The following PTPRQ variants were observed in gnomAD, a reference collection of about 807,000 sequenced individuals.
PTPRQ encodes the protein protein tyrosine phosphatase receptor type Q.
In PTPRQ, 199 loss-of-function variants were observed where a neutral mutation model predicts 246.0. The observed-to-expected ratio is 0.81, with a 90% CI of 0.72 to 0.91. The LOEUF (loss-of-function observed/expected upper bound fraction) is 0.91. Among genes scored for constraint, PTPRQ ranks in the 40% least tolerant of loss-of-function variants. The probability of loss-of-function intolerance (pLI) is 0.00; values close to 1 mark genes in which losing one functional copy is unlikely to be tolerated. For missense variants in PTPRQ, 2,624 were observed against 2,528.4 expected (o/e 1.04, Z -0.81); for synonymous variants, 869 against 853.2 (o/e 1.02, Z -0.32).
At position 80,619,366 on chromosome 12, in the gene PTPRQ, TTTC is replaced by T; in HGVS notation, c.5231-12_5231-10del. 1.9e-6 allele frequency: 3 copies of T among 1,544,374 alleles called. No homozygotes were observed. The highest frequency in any genetic ancestry group is 4.0e-5 in the Admixed American group (2 of 50,566). On this transcript the variant is annotated splice_polypyrimidine_tract_variant and intron_variant, in intron 30 of 44. Coordinates refer to ENST00000644991, the MANE Select transcript of PTPRQ (RefSeq NM_001145026.2). The stretch of plus-strand genomic sequence containing the variant: ...AACAATAACATCAATTGCAGTGATA[TTTC>T]TTCTTTGTTTATAGCTCCAGCACGA...
At position 80,485,310 on chromosome 12, in the gene PTPRQ, G is replaced by T. The variant is rs537352576; in HGVS notation, c.1359+705G>T. ...CCTGTGAGACTCTTTCAGCCTCCAG[G>T]CTAGTCATGTCCAGATACTGGCTGC... is the stretch of plus-strand genomic sequence containing the variant. On this transcript the variant is annotated intron_variant, in intron 9 of 44. Coordinates refer to ENST00000644991, the MANE Select transcript of PTPRQ (RefSeq NM_001145026.2). Among the ~76,000 whole-genome samples, 7 of 152,168 alleles carry T rather than the reference G, an allele frequency of 4.6e-5. No homozygotes were observed. In the South Asian group the frequency reaches 1.5e-3, roughly 32 times the overall value.
intron 30 of PTPRQ, among the ~76,000 whole-genome samples, chr12:80,618,110 T>C (rs1212254209): frequency 1.3e-5 from 2 of 151,278 alleles, no homozygotes; most frequent in Non-Finnish European, 3.0e-5. Context: ...ACTGATACAT[T>C]GAGTAAGAAA....
rs1555195493 is a variant in PTPRQ, at chr12:80,542,203, C to T, written c.3560C>T (p.Thr1187Ile). ...PNGAIISYDLTLQGPNENYSF... is the reference protein window; with the variant it reads ...PNGAIISYDLILQGPNENYSF... Reference sequence around the variant, plus strand: ...GGTGCAATAATAAGTTATGATTTAACTTTACAAGGACCAAATGAAAATTAT... The same window carrying T: ...GGTGCAATAATAAGTTATGATTTAATTTTACAAGGACCAAATGAAAATTAT... Residue 1187 changes from threonine (T) to isoleucine (I), a missense_variant, in exon 22 of 45, where the codon ACT (threonine) becomes ATT (isoleucine). Physicochemically the swap from Thr to Ile is moderately conservative, Grantham distance 89. Coordinates refer to ENST00000644991, the MANE Select transcript of PTPRQ (RefSeq NM_001145026.2). The T allele has an allele frequency of 6.4e-7, 1 of 1,550,972 alleles. No homozygotes were observed. Among genetic ancestry groups the T allele is most frequent in the Non-Finnish European group, 8.7e-7 (1 of 1,146,638 alleles).
At chr12:80,638,110 A>T (rs1310725305) in intron 35 of PTPRQ, among the ~76,000 whole-genome samples, 1 of 152,048 alleles carries the variant, frequency 6.6e-6, no homozygotes, top group Admixed American at 6.6e-5. Flanking sequence ...TCTACTAAAA[A>T]TACAAAAATT....
intron 6 of PTPRQ, among the ~76,000 whole-genome samples, chr12:80,466,348 A>C (rs1893412120): frequency 6.6e-6 from 1 of 151,974 alleles, no homozygotes; most frequent in Admixed American, 6.6e-5. Flanking sequence ...TGCTCAATGA[A>C]ATAAAAGAGG....
chr12:80,603,072 T>C (rs978981795), intron 26 of PTPRQ, among the ~76,000 whole-genome samples: 4 of 151,706 alleles, frequency 2.6e-5, no homozygotes, highest in African/African-American at 7.2e-5. Flanking sequence ...TGTTGTGAAC[T>C]GCCAAAATTC....
intron 26 of PTPRQ, among the ~76,000 whole-genome samples, chr12:80,592,303 A>C (rs34105978): frequency 2.9e-4 from 44 of 152,288 alleles, no homozygotes; most frequent in African/African-American, 6.7e-4. Flanking sequence ...TGAGTTGGTT[A>C]CTCGTCTTTT....
chr12:80,449,074 G>A (rs1465931910), intron 3 of PTPRQ, among the ~76,000 whole-genome samples: 3 of 151,578 alleles, frequency 2.0e-5, no homozygotes, highest in Non-Finnish European at 4.4e-5. Flanking sequence ...ATTCTAACTG[G>A]TGTGAGATGG....
intron 17 of PTPRQ, among the ~76,000 whole-genome samples, chr12:80,516,831 A>G (rs1015627288): frequency 1.3e-5 from 2 of 152,226 alleles, no homozygotes; most frequent in African/African-American, 2.4e-5. Context: ...TGGTAAAGAT[A>G]GATTTGTGAA....
At chr12:80,654,420 T>C (rs1228538629) in intron 38 of PTPRQ, among the ~76,000 whole-genome samples, 1 of 152,220 alleles carries the variant, frequency 6.6e-6, no homozygotes, top group Non-Finnish European at 1.5e-5. Context: ...CATTCCCATG[T>C]CTTTATATTT....
chr12:80,618,092 G>A (rs548415635), intron 30 of PTPRQ, among the ~76,000 whole-genome samples: 35 of 151,210 alleles, frequency 2.3e-4, no homozygotes, highest in African/African-American at 8.2e-4. Context: ...ATTTCTCTTA[G>A]TACCCAAACT....
intron 3 of PTPRQ, 150 bp from the exon 4 acceptor site, chr12:80,457,425 A>C (rs1189746763): frequency 2.5e-6 from 1 of 394,432 alleles, no homozygotes; most frequent in Admixed American, 4.4e-5. Flanking sequence ...GATTGTATAG[A>C]TATCTTCATA....
chr12:80,513,402 T>C (rs1359177605), intron 17 of PTPRQ, among the ~76,000 whole-genome samples: 1 of 152,132 alleles, frequency 6.6e-6, no homozygotes, highest in African/African-American at 2.4e-5. Context: ...GTGTGTGCTG[T>C]TAGGCCGCTG....
rs982592555 is a variant in PTPRQ, at chr12:80,466,033, C to G, written c.911-2677C>G. ...CAATTAGGCAGGAGAAGGAAGTAAA[C>G]GGTATTCAATTAGGAAAAGAGGAAG... On this transcript the variant is annotated intron_variant, in intron 6 of 44. Transcript: ENST00000644991. 5.3e-5 allele frequency among the ~76,000 whole-genome samples: 8 copies of G among 152,066 alleles called. No individual in the cohort carries two copies. In the East Asian group the frequency reaches 9.7e-4, roughly 18 times the overall value.
chr12:80,467,947 T>G (rs1178948324), intron 6 of PTPRQ, among the ~76,000 whole-genome samples: 1 of 152,176 alleles, frequency 6.6e-6, no homozygotes, highest in African/African-American at 2.4e-5. Flanking sequence ...ACATGGCACA[T>G]GTATACATAT....
intron 8 of PTPRQ, among the ~76,000 whole-genome samples, chr12:80,476,308 A>G (rs1318662398): frequency 6.6e-6 from 1 of 152,204 alleles, no homozygotes; most frequent in African/African-American, 2.4e-5. Context: ...ATGATGATGC[A>G]AACATGAGCT....
chr12:80,560,505 C>A (rs765331917), intron 25 of PTPRQ, among the ~76,000 whole-genome samples: 1 of 152,116 alleles, frequency 6.6e-6, no homozygotes, highest in Non-Finnish European at 1.5e-5. Flanking sequence ...GCAAAACAAT[C>A]CACTGTTATA....
At chr12:80,516,259 A>T (rs77562516) in intron 17 of PTPRQ, among the ~76,000 whole-genome samples, 4,126 of 152,282 alleles carry the variant, frequency 0.027, 85 homozygotes, top group Admixed American at 0.054. Context: ...AGTAAAATTT[A>T]ACAGTAGTTT....
intron 26 of PTPRQ, among the ~76,000 whole-genome samples, chr12:80,602,056 T>C: frequency 6.6e-6 from 1 of 151,856 alleles, no homozygotes; most frequent in African/African-American, 2.4e-5. Flanking sequence ...CCCTCTCCCC[T>C]GGATGTTTTC....
Sources: allele counts gnomAD v4.1 joint callset (sites outside exome capture counted in the v4.1 genomes callset), GRCh38; gene constraint gnomAD v4.1.1; transcripts MANE v1.5; gene names NCBI Gene and HGNC (gene_info 2026-07-23, HGNC 2026-07-21).